CPE: variants seen among roughly 807,000 people sequenced by gnomAD.
CPE encodes carboxypeptidase E.
Under a neutral mutation model 53.5 loss-of-function variants are expected in CPE, and 17 were observed. The observed-to-expected ratio is 0.32, with a 90% CI of 0.22 to 0.48. CPE has a LOEUF of 0.48. Ranked by LOEUF, CPE falls within the 20% of genes least tolerant of loss-of-function variation. The pLI is 0.99. For synonymous variants in CPE, 226 were observed against 228.8 expected, an observed-to-expected ratio of 0.99 and a Z score of 0.11; for missense variants, 524 against 614.7, an observed-to-expected ratio of 0.85 and a Z score of 1.56.
At chr4:165,402,030 G>A (rs777077624) in intron 1 of CPE, among the ~76,000 whole-genome samples, 10 of 152,138 alleles carry the variant, frequency 6.6e-5, no homozygotes, top group Non-Finnish European at 1.2e-4. Flanking sequence ...TAAATGGACA[G>A]ATTATTTTAT....
intron 6 of CPE, among the ~76,000 whole-genome samples, chr4:165,488,366 C>A (rs1021221659): frequency 1.3e-5 from 2 of 152,156 alleles, no homozygotes; most frequent in East Asian, 1.9e-4. Context: ...ATTTATGTAG[C>A]CATTCCAATG....
At chr4:165,401,092 G>T (rs1730859766) in intron 1 of CPE, among the ~76,000 whole-genome samples, 1 of 151,526 alleles carries the variant, frequency 6.6e-6, no homozygotes, top group Admixed American at 6.6e-5. Flanking sequence ...CCCCTTTAGT[G>T]TGACTTGAAA....
In CPE at chr4:165,495,345, C is replaced by T. The variant is rs372636925; in HGVS notation, c.1214-214C>T. ...TTATTAGACAATTTAACATTGATAT[C>T]TATAAAGTAGCTATAAGAAATGAAG... is the stretch of plus-strand genomic sequence containing the variant. On this transcript the variant is annotated intron_variant, in intron 7 of 8. Transcript: ENST00000402744. Among the ~76,000 whole-genome samples, 44 of 152,220 alleles carry T rather than the reference C, an allele frequency of 2.9e-4. 1 individual carries two copies. The East Asian group carries it at 6.7e-3, about 23-fold the overall frequency.
chr4:165,437,841 G>A (rs1446313454), intron 1 of CPE, among the ~76,000 whole-genome samples: 1 of 152,030 alleles, frequency 6.6e-6, no homozygotes, highest in East Asian at 1.9e-4. Context: ...AGAAGGGGAG[G>A]CATCTAGGCA....
intron 6 of CPE, among the ~76,000 whole-genome samples, 162 bp downstream of exon 6, chr4:165,487,739 T>A (rs780462462): frequency 2.6e-4 from 40 of 152,240 alleles, no homozygotes; most frequent in Middle Eastern, 3.4e-3. Context: ...CTTTTATTTG[T>A]CATAGGTTTT....
chr4:165,465,902 A>G (rs767368077), intron 2 of CPE, among the ~76,000 whole-genome samples: 2 of 152,240 alleles, frequency 1.3e-5, no homozygotes, highest in Non-Finnish European at 2.9e-5. Flanking sequence ...AAATCTAATT[A>G]TAGAATGATA....
chr4:165,460,608 T>G (rs931719097), intron 1 of CPE, among the ~76,000 whole-genome samples: 1 of 152,050 alleles, frequency 6.6e-6, no homozygotes, highest in Non-Finnish European at 1.5e-5. Flanking sequence ...ACTCCTTTAT[T>G]CCCTTCACTG....
At chr4:165,397,278 A>G (rs1470861834) in intron 1 of CPE, among the ~76,000 whole-genome samples, 2 of 152,192 alleles carry the variant, frequency 1.3e-5, no homozygotes, top group Non-Finnish European at 2.9e-5. Context: ...TAAAGGCACG[A>G]CTTACCCACA....
At chr4:165,426,460 A>T (rs1318634734) in intron 1 of CPE, among the ~76,000 whole-genome samples, 1 of 152,202 alleles carries the variant, frequency 6.6e-6, no homozygotes, top group African/African-American at 2.4e-5. Context: ...CTTGTTTGCC[A>T]GGAGCAGTAT....
At chr4:165,396,242 G>A (rs1052535643) in intron 1 of CPE, among the ~76,000 whole-genome samples, 2 of 150,838 alleles carry the variant, frequency 1.3e-5, no homozygotes, top group African/African-American at 4.9e-5. Flanking sequence ...AACTTATTGG[G>A]TGCTGTAAGA....
At chr4:165,431,358 G>A (rs936989754) in intron 1 of CPE, among the ~76,000 whole-genome samples, 1 of 152,202 alleles carries the variant, frequency 6.6e-6, no homozygotes, top group South Asian at 2.1e-4. Flanking sequence ...TGCGAAAAAG[G>A]CGAAAGGACC....
At position 165,497,763 on chromosome 4, in the gene CPE, C is replaced by T; in HGVS notation, c.*153C>T. On this transcript the variant is annotated 3_prime_UTR_variant, in exon 9 of 9. Transcript: ENST00000402744. ...CAACTTTCCTTAAAATAAATAGCCTCTTAGGTAAAAATATAAGAACTTGAT... is the reference window on the plus strand; with the variant it reads ...CAACTTTCCTTAAAATAAATAGCCTTTTAGGTAAAAATATAAGAACTTGAT... 2.6e-6 allele frequency: 1 copy of T among 379,454 alleles called. No individual in the cohort carries two copies. The highest frequency in any genetic ancestry group is 4.6e-6 in the Non-Finnish European group (1 of 217,740). 23.5% of individuals were successfully genotyped at this position (379,454 alleles called of 1,614,324 possible).
intron 1 of CPE, chr4:165,403,947 A>T: frequency 1.8e-6 from 1 of 551,474 alleles, no homozygotes. Context: ...AGCAAACCCA[A>T]TGCCGGAGTT....
intron 1 of CPE, among the ~76,000 whole-genome samples, chr4:165,451,479 A>ATTATTATTTAT (rs1553975746): frequency 6.7e-6 from 1 of 150,344 alleles, no homozygotes; most frequent in East Asian, 2.0e-4. Context: ...AGGTTTTATT[A>ATTATTATTTAT]TTATTTATTT....
At chr4:165,459,249 C>T (rs1313770677) in intron 1 of CPE, among the ~76,000 whole-genome samples, 2 of 152,202 alleles carry the variant, frequency 1.3e-5, no homozygotes, top group Non-Finnish European at 2.9e-5. Context: ...GGAATTTATG[C>T]AGCTATTTCT....
At chr4:165,484,650 A>T (rs777331174) in intron 5 of CPE, 46 bp downstream of exon 5, 10 of 1,544,678 alleles carry the variant, frequency 6.5e-6, no homozygotes, top group Non-Finnish European at 8.9e-6. Flanking sequence ...TAGCTTATTT[A>T]CAATGACCAT....
chr4:165,476,515 A>G lies in CPE; in HGVS notation c.673-5727A>G, dbSNP rs187076146. On this transcript the variant is annotated intron_variant, in intron 3 of 8. Transcript: ENST00000402744. Reference sequence around the variant, plus strand: ...TTTTGCCTCTCGGTGCGCATGTATGAACCCATTTGCCCAGCTCCTGAGATC... The same window carrying G: ...TTTTGCCTCTCGGTGCGCATGTATGGACCCATTTGCCCAGCTCCTGAGATC... Among the ~76,000 whole-genome samples, 5 of 151,706 alleles carry G rather than the reference A, an allele frequency of 3.3e-5. No homozygotes were observed. The East Asian group carries it at 9.8e-4, about 30-fold the overall frequency.
chr4:165,436,438 A>G (rs900840489), intron 1 of CPE, among the ~76,000 whole-genome samples: 1 of 152,220 alleles, frequency 6.6e-6, no homozygotes, highest in Non-Finnish European at 1.5e-5. Context: ...TGCATTGCAT[A>G]GAAACCATAC....
chr4:165,391,907 A>G (rs1322658881), intron 1 of CPE, among the ~76,000 whole-genome samples: 2 of 152,082 alleles, frequency 1.3e-5, no homozygotes, highest in Non-Finnish European at 2.9e-5. Flanking sequence ...TAAAAGATGC[A>G]TAAGGTATGG....
Sources: gnomAD v4.1 joint callset for allele counts (sites outside exome capture counted in the v4.1 genomes callset) on GRCh38, gnomAD v4.1.1 for gene constraint, MANE v1.5 for transcripts, NCBI Gene and HGNC (gene_info 2026-07-23, HGNC 2026-07-21) for gene names.